The following ADGRA2 variants were observed in gnomAD, a reference collection of about 807,000 sequenced individuals.
ADGRA2 encodes G-protein coupled receptor 124.
A neutral mutation model predicts 98.7 loss-of-function variants in ADGRA2; 61 were observed. The observed-to-expected ratio is 0.62, with a 90% CI of 0.50 to 0.76. ADGRA2 has a LOEUF of 0.76. ADGRA2 is among the 30% of genes least tolerant of loss of function. The pLI, the probability that ADGRA2 is intolerant of heterozygous loss-of-function variation, is 0.00. For synonymous variants in ADGRA2, 858 were observed against 831.5 expected (o/e 1.03, Z -0.55); for missense variants, 1,712 against 1,860.0 (o/e 0.92, Z 1.46).
rs1297157381 is a variant in ADGRA2 at position 37,797,584 on chromosome 8, G to A, written c.266+50G>A. ...CGTCCGAGCCGGGACTGGGGACGAA[G>A]GGAGGCGAGACGGGAGGGGTGGGAG... On this transcript the variant is annotated intron_variant, in intron 1 of 18. Coordinates refer to ENST00000412232, the MANE Select transcript of ADGRA2 (RefSeq NM_032777.10). The surrounding 1 kb of genome is among the most constrained non-coding windows in gnomAD (Gnocchi z 5.3). 2 of 1,309,712 alleles carry A rather than the reference G, an allele frequency of 1.5e-6. No individual in the cohort carries two copies. The highest frequency in any genetic ancestry group is 1.5e-5 in the African/African-American group (1 of 65,794). The allele number at this position is 1,309,712 out of a possible 1,614,324, so 81.1% of individuals were successfully genotyped here. A position where few individuals can be genotyped will look rare whatever the true frequency, so the allele number is the denominator to read the frequency against.
At chr8:37,829,090 C>T (rs766034044) in intron 3 of ADGRA2, 131 bp downstream of exon 3, 340 of 675,716 alleles carry the variant, frequency 5.0e-4, no homozygotes, top group Non-Finnish European at 7.3e-4. Flanking sequence ...GGTGCCTTGG[C>T]TGGGGTCAAA....
chr8:37,828,110 C>T (rs1380613225), intron 2 of ADGRA2, among the ~76,000 whole-genome samples: 1 of 152,110 alleles, frequency 6.6e-6, no homozygotes, highest in Admixed American at 6.5e-5. Flanking sequence ...CCACTGCACT[C>T]CAGCCTGGAT....
intron 2 of ADGRA2, among the ~76,000 whole-genome samples, chr8:37,816,249 C>T (rs551454988): frequency 6.6e-6 from 1 of 151,994 alleles, no homozygotes; most frequent in African/African-American, 2.4e-5. Context: ...ATGATTGTGC[C>T]ACTGCACTCC....
rs765061689 is a variant in ADGRA2 at position 37,831,552 on chromosome 8, C to T, written c.1062C>T (p.Pro354=). The T allele has an allele frequency of 3.7e-5, 60 of 1,613,712 alleles. No individual in the cohort carries two copies. Among genetic ancestry groups the T allele is most frequent in the Admixed American group, 1.3e-4 (8 of 59,992 alleles). ...VVLETSASYC[P]AERVANNRGD... is the part of the protein sequence containing the mutation. ...TGGAGACCTCTGCCTCCTACTGCCC[C>T]GCCGAGCGTGTTGCCAACAACCGCG... Residue 354 remains proline (P), a synonymous_variant, in exon 8 of 19, where the codon CCC becomes CCT. Transcript: ENST00000412232.
At chr8:37,823,296 G>A (rs1805179126) in intron 2 of ADGRA2, among the ~76,000 whole-genome samples, 1 of 151,302 alleles carries the variant, frequency 6.6e-6, no homozygotes, top group Non-Finnish European at 1.5e-5. Context: ...GACTTCCTGG[G>A]CTCAAGCAAT....
In ADGRA2 at chr8:37,842,006, A is replaced by G. The variant is rs2130070345; in HGVS notation, c.3668A>G (p.His1223Arg). ...CTGTCCAGCGAGAGCGGCAGTCTGC[A>G]CAACAGCCCCACCGACAGCTACCTG... ...ELLSSESGSLHNSPTDSYLGS... is the reference protein window; with the variant it reads ...ELLSSESGSLRNSPTDSYLGS... The change falls in exon 19 of 19, where the codon CAC becomes CGC. Residue 1223 changes from histidine (H) to arginine (R), a missense_variant. By Grantham distance (29) the His-to-Arg change is conservative. Coordinates refer to ENST00000412232, the MANE Select transcript of ADGRA2 (RefSeq NM_032777.10). 6.6e-7 allele frequency: 1 copy of G among 1,517,694 alleles called. No homozygotes were observed. The highest frequency in any genetic ancestry group is 2.0e-5 in the Admixed American group (1 of 48,782). 94.0% of individuals were successfully genotyped at this position (1,517,694 alleles called of 1,614,324 possible). A position where few individuals can be genotyped will look rare whatever the true frequency, so the allele number is the denominator to read the frequency against.
Position 37,829,324 on chromosome 8 carries a change from T to G in ADGRA2, c.474T>G (p.Leu158=). 6.2e-7 allele frequency: 1 copy of G among 1,612,250 alleles called. No homozygotes were observed. Among genetic ancestry groups the G allele is most frequent in the Non-Finnish European group, 8.5e-7 (1 of 1,179,146 alleles). The change falls in exon 4 of 19, where the codon CTT becomes CTG. Residue 158 remains leucine, a synonymous_variant. Transcript: ENST00000412232. ...AGACCTTCCAGGGCCTCCCCAGGCT[T>G]CTCCGACTGTAAGTGATGGGGTGAG... is the stretch of plus-strand genomic sequence containing the variant. The part of the protein sequence containing the change: ...TSETFQGLPR[L]LRLNISGNIF...
rs780015737 is a variant in ADGRA2, at chr8:37,814,974, G to C, written c.338+7G>C. ...TGTCACTGCTGGAGAAGCTGTAAGT[G>C]CTGGGGAAGGTGAGGTGGAGGAGGG... On this transcript the variant is annotated splice_region_variant and intron_variant, in intron 2 of 18. Coordinates refer to ENST00000412232, the MANE Select transcript of ADGRA2 (RefSeq NM_032777.10). This position sits in a 1 kb window ranked among gnomAD's most constrained non-coding sequence, Gnocchi z 4.3. 5.0e-6 allele frequency: 8 copies of C among 1,602,362 alleles called. No individual in the cohort carries two copies. The African/African-American group carries it at 1.1e-4, about 21-fold the overall frequency.
rs924939006 is a variant in ADGRA2, at chr8:37,822,319, A to G, written c.339-6569A>G. Among the ~76,000 whole-genome samples, 9 of 152,006 alleles carry G rather than the reference A, an allele frequency of 5.9e-5. No homozygotes were observed. In the East Asian group the frequency reaches 1.2e-3, roughly 20 times the overall value. On this transcript the variant is annotated intron_variant, in intron 2 of 18. Coordinates refer to ENST00000412232, the MANE Select transcript of ADGRA2 (RefSeq NM_032777.10). The stretch of plus-strand genomic sequence containing the variant: ...CTATAATTTGGTTTTCAAACCCACA[A>G]GCAGGGAGGTCTGTGGGGCCAGAGG...
In ADGRA2 at chr8:37,814,725, GTT is replaced by G; in HGVS notation, c.267-170_267-169del. 6.6e-6 allele frequency among the ~76,000 whole-genome samples: 1 copy of G among 152,314 alleles called. No homozygotes were observed. Among genetic ancestry groups the G allele is most frequent in the Non-Finnish European group, 1.5e-5 (1 of 68,024 alleles). On this transcript the variant is annotated intron_variant, in intron 1 of 18. Transcript: ENST00000412232. The surrounding 1 kb of genome is among the most constrained non-coding windows in gnomAD (Gnocchi z 4.3). ...GGTCTGACGTGGGGCTGGGTGGACC[GTT>G]GGCCAGCTTCTCCCTGTAATCTCCG...
Position 37,830,610 on chromosome 8 carries a change from G to GCCCCCCCCCCCCCCCCCCCC in ADGRA2, c.719-96_719-95insCCCCCCCCCCCCCCCCCCCC. 1 of 579,886 alleles carries GCCCCCCCCCCCCCCCCCCCC rather than the reference G, an allele frequency of 1.7e-6. No individual in the cohort carries two copies. Among genetic ancestry groups the GCCCCCCCCCCCCCCCCCCCC allele is most frequent in the Non-Finnish European group, 3.2e-6 (1 of 315,942 alleles). The allele number at this position is 579,886 out of a possible 1,614,324, so 35.9% of individuals were successfully genotyped here. On this transcript the variant is annotated intron_variant, in intron 6 of 18. Transcript: ENST00000412232. The surrounding 1 kb of genome is among the most constrained non-coding windows in gnomAD (Gnocchi z 4.8). ...AGCTGGAGCAGGCTGCAGGCCGAGG[G>GCCCCCCCCCCCCCCCCCCCC]CCCCGCCCCGCCCCACCCCATCCTG...
In ADGRA2 at chr8:37,817,708, CTAAATAAA is replaced by C. The variant is rs527817973; in HGVS notation, c.338+2760_338+2767del. On this transcript the variant is annotated intron_variant, in intron 2 of 18. Transcript: ENST00000412232. Reference sequence around the variant, plus strand: ...GGCAAAAGAGTGAGACCCTGTCTCTCTAAATAAATAAATAAATAAATAAATAGGCCAGG... The same window carrying C: ...GGCAAAAGAGTGAGACCCTGTCTCTCTAAATAAATAAATAAATAGGCCAGG... Among the ~76,000 whole-genome samples, 20 of 151,326 alleles carry C rather than the reference CTAAATAAA, an allele frequency of 1.3e-4. No homozygotes were observed. The East Asian group carries it at 1.7e-3, about 13-fold the overall frequency.
At chr8:37,838,088 G>T in intron 14 of ADGRA2, 149 bp downstream of exon 14, 1 of 692,200 alleles carries the variant, frequency 1.4e-6, no homozygotes, top group Non-Finnish European at 2.3e-6. Context: ...TGGGATGTGG[G>T]GAAATGGCCC....
Position 37,842,516 on chromosome 8 carries a change from C to T in ADGRA2, c.*161C>T, listed in dbSNP as rs763178766. 9 of 1,198,504 alleles carry T rather than the reference C, an allele frequency of 7.5e-6. No individual in the cohort carries two copies. Among genetic ancestry groups the T allele is most frequent in the Non-Finnish European group, 9.8e-6 (9 of 914,428 alleles). 74.2% of individuals were successfully genotyped at this position (1,198,504 alleles called of 1,614,324 possible). ...GTTCCCCACTTGCCTAGAGGGCATC[C>T]CTCTGGGGTAGCGACAGACAATCCC... On this transcript the variant is annotated 3_prime_UTR_variant, in exon 19 of 19. Transcript: ENST00000412232.
chr8:37,803,192 GAGA>G (rs1256044312), intron 1 of ADGRA2, among the ~76,000 whole-genome samples: 3 of 152,242 alleles, frequency 2.0e-5, no homozygotes, highest in Non-Finnish European at 4.4e-5. Flanking sequence ...GAGTCATTGG[GAGA>G]AGAACCCTTT....
chr8:37,802,419 G>C lies in ADGRA2; in HGVS notation c.266+4885G>C, dbSNP rs906454911. ...GCCAGAGGAAGTGGCTGTGTACAGA[G>C]AGCTTTTGTGAGAGAAGAGGGGGAG... On this transcript the variant is annotated intron_variant, in intron 1 of 18. Transcript: ENST00000412232. This position sits in a 1 kb window ranked among gnomAD's most constrained non-coding sequence, Gnocchi z 4.7. Among the ~76,000 whole-genome samples the C allele has an allele frequency of 2.6e-5, 4 of 152,182 alleles. No individual in the cohort carries two copies. The highest frequency in any genetic ancestry group is 6.5e-5 in the Admixed American group (1 of 15,284).
chr8:37,814,655 G>C lies in ADGRA2; in HGVS notation c.267-241G>C, dbSNP rs1355301674. Reference sequence around the variant, plus strand: ...TCAGCCCACCTCCCACCTGCACACAGAGCCCCACGTCAGAGCCAGGCTTGG... The same window carrying C: ...TCAGCCCACCTCCCACCTGCACACACAGCCCCACGTCAGAGCCAGGCTTGG... On this transcript the variant is annotated intron_variant, in intron 1 of 18. Coordinates refer to ENST00000412232, the MANE Select transcript of ADGRA2 (RefSeq NM_032777.10). The surrounding 1 kb of genome is among the most constrained non-coding windows in gnomAD (Gnocchi z 4.3). 6.6e-6 allele frequency among the ~76,000 whole-genome samples: 1 copy of C among 152,354 alleles called. No homozygotes were observed. The highest frequency in any genetic ancestry group is 1.9e-4 in the East Asian group (1 of 5,178).
At position 37,822,480 on chromosome 8, in the gene ADGRA2, C is replaced by T. The variant is rs188245837; in HGVS notation, c.339-6408C>T. 1.8e-3 allele frequency among the ~76,000 whole-genome samples: 269 copies of T among 151,814 alleles called. 1 individual carries two copies. Among genetic ancestry groups the T allele is most frequent in the Non-Finnish European group, 2.2e-3 (151 of 67,910 alleles). On this transcript the variant is annotated intron_variant, in intron 2 of 18. Coordinates refer to ENST00000412232, the MANE Select transcript of ADGRA2 (RefSeq NM_032777.10). ...ATATAATTTACGTGCCATAAAAGTT[C>T]ACCCGTTTAAAAAAAAGTGTGCAAT...
chr8:37,831,540 C>A lies in ADGRA2; in HGVS notation c.1050C>A (p.Ala350=). The A allele has an allele frequency of 1.9e-6, 3 of 1,613,628 alleles. No homozygotes were observed. Among genetic ancestry groups the A allele is most frequent in the Non-Finnish European group, 2.5e-6 (3 of 1,179,952 alleles). Residue 350 remains alanine, a synonymous_variant, in exon 8 of 19, where the codon GCC becomes GCA. Transcript: ENST00000412232. ...AGATCGTGGTGCTGGAGACCTCTGC[C>A]TCCTACTGCCCCGCCGAGCGTGTTG... The part of the protein sequence containing the change: ...KVEIVVLETS[A]SYCPAERVAN...
Sources: gnomAD v4.1 joint callset for allele counts (sites outside exome capture counted in the v4.1 genomes callset) on GRCh38, gnomAD v4.1.1 for gene constraint, Gnocchi (gnomAD v3.1) non-coding constraint, MANE v1.5 for transcripts, NCBI Gene and HGNC (gene_info 2026-07-23, HGNC 2026-07-21) for gene names.